BANK1: variants seen among roughly 807,000 people sequenced by gnomAD.
BANK1 encodes the protein B cell scaffold protein with ankyrin repeats 1.
BANK1 carries 95 observed loss-of-function variants against 94.5 expected under a neutral mutation model. The observed-to-expected ratio is 1.00, with a 90% CI of 0.85 to 1.19. BANK1 has a LOEUF of 1.19. Ranked by LOEUF, BANK1 falls within the 50% of genes most tolerant of loss-of-function variation. BANK1 has a pLI of 0.00. For synonymous variants in BANK1, 334 were observed against 308.4 expected, an observed-to-expected ratio of 1.08 and a Z score of -0.87; for missense variants, 987 against 932.2, an observed-to-expected ratio of 1.06 and a Z score of -0.77.
chr4:101,966,907 T>C (rs1429688385), intron 7 of BANK1, among the ~76,000 whole-genome samples: 1 of 152,008 alleles, frequency 6.6e-6, no homozygotes, highest in Non-Finnish European at 1.5e-5. Context: ...GTGACAAACT[T>C]TCTCTAAATC....
chr4:101,873,543 G>A (rs760525146), intron 5 of BANK1, among the ~76,000 whole-genome samples: 4 of 152,124 alleles, frequency 2.6e-5, no homozygotes, highest in Admixed American at 1.3e-4. Context: ...CAAAATGAGC[G>A]TTCTGTGAAT....
chr4:102,057,157 C>T (rs1728252614), intron 11 of BANK1, among the ~76,000 whole-genome samples: 1 of 152,012 alleles, frequency 6.6e-6, no homozygotes. Flanking sequence ...GCTTATATAC[C>T]TACCAAGTCC....
At position 101,926,573 on chromosome 4, in the gene BANK1, A is replaced by C. The variant is rs566737573; in HGVS notation, c.1206+8384A>C. Among the ~76,000 whole-genome samples the C allele has an allele frequency of 2.0e-5, 3 of 151,892 alleles. No homozygotes were observed. The East Asian group carries it at 5.9e-4, about 30-fold the overall frequency. ...TCTAAACACTGGAAATCCAGAACAGACCAAAACTCCTACCCTAATGGGAAA... is the reference window on the plus strand; with the variant it reads ...TCTAAACACTGGAAATCCAGAACAGCCCAAAACTCCTACCCTAATGGGAAA... On this transcript the variant is annotated intron_variant, in intron 7 of 16. Transcript: ENST00000322953.
At chr4:101,852,722 CATAAG>C (rs1271224218) in intron 2 of BANK1, among the ~76,000 whole-genome samples, 2 of 151,834 alleles carry the variant, frequency 1.3e-5, no homozygotes, top group Non-Finnish European at 2.9e-5. Flanking sequence ...ACTTTTATCG[CATAAG>C]ATATTTTTAT....
chr4:101,924,131 C>T (rs1306593769), intron 7 of BANK1, among the ~76,000 whole-genome samples: 1 of 151,582 alleles, frequency 6.6e-6, no homozygotes, highest in Admixed American at 6.6e-5. Context: ...AAATAAATTT[C>T]CCAAATTAAT....
chr4:101,852,519 G>A (rs1380663369), intron 2 of BANK1, among the ~76,000 whole-genome samples: 3 of 112,560 alleles, frequency 2.7e-5, no homozygotes, highest in Admixed American at 1.9e-4. Context: ...CACACATATA[G>A]TCTATTCTCA....
intron 11 of BANK1, among the ~76,000 whole-genome samples, chr4:102,050,289 C>A (rs114211633): frequency 0.028 from 4,262 of 152,246 alleles, 74 homozygotes; most frequent in Non-Finnish European, 0.038. Context: ...CTGTTGCTAA[C>A]AAAACCATGT....
intron 13 of BANK1, among the ~76,000 whole-genome samples, chr4:102,070,778 G>A (rs1728731430): frequency 6.6e-6 from 1 of 152,150 alleles, no homozygotes; most frequent in African/African-American, 2.4e-5. Context: ...GGTGCCATGA[G>A]TAATGTTTGA....
chr4:101,873,877 T>A (rs1256821420), intron 5 of BANK1, among the ~76,000 whole-genome samples: 1 of 152,176 alleles, frequency 6.6e-6, no homozygotes, highest in Non-Finnish European at 1.5e-5. Context: ...TCTTTGAGAC[T>A]TTCATCCTAT....
intron 7 of BANK1, among the ~76,000 whole-genome samples, chr4:101,947,066 G>T (rs1220467658): frequency 6.6e-6 from 1 of 151,560 alleles, no homozygotes; most frequent in Non-Finnish European, 1.5e-5. Context: ...TCACAGGACA[G>T]ATTTGAGATA....
chr4:101,989,220 G>T (rs1294146736), intron 7 of BANK1, among the ~76,000 whole-genome samples: 11 of 151,766 alleles, frequency 7.2e-5, no homozygotes, highest in Non-Finnish European at 1.5e-4. Context: ...CGAGGCGGGC[G>T]GATGACAAGG....
At chr4:102,013,900 C>T (rs559666107) in intron 7 of BANK1, among the ~76,000 whole-genome samples, 3 of 152,062 alleles carry the variant, frequency 2.0e-5, no homozygotes, top group South Asian at 2.1e-4. Context: ...AGATAATTTT[C>T]GAGTGTTTTC....
At position 102,025,240 on chromosome 4, in the gene BANK1, C is replaced by T; in HGVS notation, c.1325C>T (p.Thr442Ile). 6.2e-7 allele frequency: 1 copy of T among 1,614,096 alleles called. No individual in the cohort carries two copies. Among genetic ancestry groups the T allele is most frequent in the Non-Finnish European group, 8.5e-7 (1 of 1,179,998 alleles). ...GCATTTCATCATGAAAGCAGGAAGA[C>T]ATACGGGCAGAGTGCAGATGGAGCT... ...NPAFHHESRK[T>I]YGQSADGAEA... Residue 442 changes from threonine (T) to isoleucine (I), a missense_variant, in exon 9 of 17, where the codon ACA (threonine) becomes ATA (isoleucine). Physicochemically the swap from Thr to Ile is moderately conservative, Grantham distance 89. Coordinates refer to ENST00000322953, the MANE Select transcript of BANK1 (RefSeq NM_017935.5).
At chr4:101,979,028 A>G (rs1232357877) in intron 7 of BANK1, among the ~76,000 whole-genome samples, 1 of 152,040 alleles carries the variant, frequency 6.6e-6, no homozygotes, top group African/African-American at 2.4e-5. Flanking sequence ...TATCTTTATT[A>G]TAAATTGTCA....
Position 101,895,506 on chromosome 4 carries a change from C to T in BANK1, c.1009+96C>T, listed in dbSNP as rs905325775. 2.3e-5 allele frequency: 16 copies of T among 702,912 alleles called. No individual in the cohort carries two copies. In the African/African-American group the frequency reaches 3.0e-4, roughly 13 times the overall value. The allele number at this position is 702,912 out of a possible 1,614,324, so 43.5% of individuals were successfully genotyped here. A position where few individuals can be genotyped will look rare whatever the true frequency, so the allele number is the denominator to read the frequency against. ...TTATAACCAAAAATATAGGTAGCTG[C>T]ACTGCTGATGAGATGATTTAGACAA... On this transcript the variant is annotated intron_variant, in intron 6 of 16. Coordinates refer to ENST00000322953, the MANE Select transcript of BANK1 (RefSeq NM_017935.5).
At chr4:102,018,833 T>C (rs886478115) in intron 7 of BANK1, among the ~76,000 whole-genome samples, 8 of 150,912 alleles carry the variant, frequency 5.3e-5, no homozygotes, top group Middle Eastern at 3.2e-3. Flanking sequence ...TTTTTTTTTT[T>C]TTTGAGACAG....
chr4:102,011,073 T>C (rs962668550), intron 7 of BANK1, among the ~76,000 whole-genome samples: 5 of 152,224 alleles, frequency 3.3e-5, no homozygotes, highest in Non-Finnish European at 7.3e-5. Flanking sequence ...GCAATTGTTT[T>C]AAACTTACAC....
At chr4:101,934,529 C>A (rs1370461599) in intron 7 of BANK1, among the ~76,000 whole-genome samples, 1 of 151,512 alleles carries the variant, frequency 6.6e-6, no homozygotes, top group East Asian at 2.0e-4. Flanking sequence ...GAAACCAGAG[C>A]TACTCCTTTG....
At chr4:101,982,556 T>G (rs981525207) in intron 7 of BANK1, among the ~76,000 whole-genome samples, 6 of 152,044 alleles carry the variant, frequency 3.9e-5, no homozygotes, top group Non-Finnish European at 8.8e-5. Flanking sequence ...TAACACATAT[T>G]GTAGGCAATC....
Sources: gnomAD v4.1 joint callset for allele counts (sites outside exome capture counted in the v4.1 genomes callset) on GRCh38, gnomAD v4.1.1 for gene constraint, MANE v1.5 for transcripts, NCBI Gene and HGNC (gene_info 2026-07-23, HGNC 2026-07-21) for gene names.